The following RPRD1B variants were observed in gnomAD, a reference collection of about 807,000 sequenced individuals.
RPRD1B encodes regulation of nuclear pre-mRNA domain-containing protein 1B.
Under a neutral mutation model 41.5 loss-of-function variants are expected in RPRD1B, and 11 were observed. That is an observed-to-expected ratio of 0.27 (90% confidence interval 0.17 to 0.44). The LOEUF (loss-of-function observed/expected upper bound fraction) is 0.44, where lower values mean the gene tolerates loss of function less well. RPRD1B is among the 20% of genes least tolerant of loss of function. The pLI, the probability that RPRD1B is intolerant of heterozygous loss-of-function variation, is 1.00. For synonymous variants in RPRD1B, 158 were observed against 155.6 expected (o/e 1.02, Z -0.12); for missense variants, 248 against 389.9 (o/e 0.64, Z 3.06).
In RPRD1B at chr20:38,059,863, T is replaced by C. The variant is rs1034488096; in HGVS notation, c.655+343T>C. On this transcript the variant is annotated intron_variant, in intron 5 of 6. Coordinates refer to ENST00000373433, the MANE Select transcript of RPRD1B (RefSeq NM_021215.4). ...TCTGTCTGTTAGACTCATAACCCTC[T>C]TACTAAAAGAAAAAAAATTATGATT... Among the ~76,000 whole-genome samples, 15 of 152,128 alleles carry C rather than the reference T, an allele frequency of 9.9e-5. No individual in the cohort carries two copies. In the East Asian group the frequency reaches 2.9e-3, roughly 29 times the overall value.
At chr20:38,052,099 C>T (rs8125997) in intron 3 of RPRD1B, among the ~76,000 whole-genome samples, 27,475 of 152,124 alleles carry the variant, frequency 0.18, 2,896 homozygotes, top group Middle Eastern at 0.35. Context: ...GGCATTTGAT[C>T]CTTCTGAAGC....
intron 5 of RPRD1B, among the ~76,000 whole-genome samples, chr20:38,064,292 T>G (rs1461835996): frequency 6.6e-6 from 1 of 152,248 alleles, no homozygotes; most frequent in African/African-American, 2.4e-5. Flanking sequence ...TCTGGAATCC[T>G]TCAGCAGTTC....
At chr20:38,076,171 T>C (rs1470334535) in intron 6 of RPRD1B, among the ~76,000 whole-genome samples, 1 of 152,234 alleles carries the variant, frequency 6.6e-6, no homozygotes, top group Non-Finnish European at 1.5e-5. Context: ...AATTGTTCCC[T>C]TTAAGATACC....
intron 3 of RPRD1B, chr20:38,049,648 G>C (rs565604023): frequency 1.1e-5 from 5 of 460,952 alleles, no homozygotes; most frequent in African/African-American, 2.0e-5. Flanking sequence ...TATTATAGGC[G>C]TGAGCCACCT....
At chr20:38,066,911 TC>T (rs1366358521) in intron 6 of RPRD1B, among the ~76,000 whole-genome samples, 1 of 152,150 alleles carries the variant, frequency 6.6e-6, no homozygotes, top group African/African-American at 2.4e-5. Flanking sequence ...CACCTCAGCC[TC>T]CCAAAGTGCT....
Position 38,033,895 on chromosome 20 carries a change from C to T in RPRD1B, c.-53C>T, listed in dbSNP as rs951732491. 3.3e-6 allele frequency: 5 copies of T among 1,523,348 alleles called. No homozygotes were observed. Among genetic ancestry groups the T allele is most frequent in the Middle Eastern group, 1.8e-4 (1 of 5,560 alleles). The allele number at this position is 1,523,348 out of a possible 1,614,324, so 94.4% of individuals were successfully genotyped here. A position where few individuals can be genotyped will look rare whatever the true frequency, so the allele number is the denominator to read the frequency against. On this transcript the variant is annotated 5_prime_UTR_variant, in exon 1 of 7. Coordinates refer to ENST00000373433, the MANE Select transcript of RPRD1B (RefSeq NM_021215.4). ...CCCCGGCCTCGTGCCGTCGCTCTTC[C>T]CGCCGCACTGGGCGGCCCAGGCCGC...
intron 5 of RPRD1B, among the ~76,000 whole-genome samples, chr20:38,059,737 A>G (rs2074278363): frequency 6.6e-6 from 1 of 152,242 alleles, no homozygotes; most frequent in South Asian, 2.1e-4. Flanking sequence ...TTATTGCAGA[A>G]ATGCTGGTGT....
intron 6 of RPRD1B, among the ~76,000 whole-genome samples, chr20:38,082,165 T>A (rs1481151605): frequency 6.6e-6 from 1 of 152,186 alleles, no homozygotes; most frequent in East Asian, 1.9e-4. Flanking sequence ...CTGGTAGATT[T>A]TGGCTCTGAA....
chr20:38,060,236 G>C (rs1316579690), intron 5 of RPRD1B, among the ~76,000 whole-genome samples: 1 of 152,190 alleles, frequency 6.6e-6, no homozygotes, highest in Admixed American at 6.5e-5. Flanking sequence ...TGGATCTTGG[G>C]ATTCTAATCT....
intron 6 of RPRD1B, among the ~76,000 whole-genome samples, chr20:38,083,593 C>T (rs1902693014): frequency 6.6e-6 from 1 of 152,206 alleles, no homozygotes. Context: ...CCTGAAAATG[C>T]TCTGTGGTAC....
At chr20:38,072,389 A>G (rs1408042078) in intron 6 of RPRD1B, among the ~76,000 whole-genome samples, 2 of 152,174 alleles carry the variant, frequency 1.3e-5, no homozygotes, top group Non-Finnish European at 1.5e-5. Context: ...TGTCTATCCT[A>G]TGCTCATACC....
intron 6 of RPRD1B, among the ~76,000 whole-genome samples, chr20:38,081,445 CT>C (rs2074511792): frequency 6.6e-6 from 1 of 152,142 alleles, no homozygotes; most frequent in African/African-American, 2.4e-5. Context: ...AACTAGGAGC[CT>C]TTGGGTAGAC....
At chr20:38,057,800 C>T (rs897167877) in intron 4 of RPRD1B, among the ~76,000 whole-genome samples, 156 bp downstream of exon 4, 19 of 152,166 alleles carry the variant, frequency 1.2e-4, no homozygotes, top group Non-Finnish European at 4.4e-5. Flanking sequence ...AGGAGCTTGC[C>T]GGATGGCAGG....
At chr20:38,077,131 G>A (rs1211991382) in intron 6 of RPRD1B, among the ~76,000 whole-genome samples, 2 of 151,198 alleles carry the variant, frequency 1.3e-5, no homozygotes, top group African/African-American at 2.4e-5. Context: ...TTGACCAGGC[G>A]AGTCTTGAAC....
chr20:38,082,675 C>G (rs985027603), intron 6 of RPRD1B, among the ~76,000 whole-genome samples: 2 of 152,196 alleles, frequency 1.3e-5, no homozygotes, highest in Non-Finnish European at 2.9e-5. Flanking sequence ...GCGTGAGCCA[C>G]CACGCCCGGC....
At position 38,089,954 on chromosome 20, in the gene RPRD1B, C is replaced by T; in HGVS notation, c.*79C>T. ...GTCATGGTTGGAAATAACCTTCTAG[C>T]CCCTGGTTCTATCCCTTCTTCCGCC... is the stretch of plus-strand genomic sequence containing the variant. On this transcript the variant is annotated 3_prime_UTR_variant, in exon 7 of 7. Transcript: ENST00000373433. 10 of 1,553,676 alleles carry T rather than the reference C, an allele frequency of 6.4e-6. No individual in the cohort carries two copies. Among genetic ancestry groups the T allele is most frequent in the Middle Eastern group, 3.6e-4 (2 of 5,480 alleles).
intron 1 of RPRD1B, among the ~76,000 whole-genome samples, chr20:38,038,082 A>C (rs1455245878): frequency 2.6e-5 from 4 of 152,322 alleles, no homozygotes; most frequent in Middle Eastern, 6.8e-3. Context: ...AACTACTGAC[A>C]CTTTTGTTCT....
intron 1 of RPRD1B, among the ~76,000 whole-genome samples, chr20:38,036,117 G>A (rs1396943120): frequency 1.3e-5 from 2 of 152,066 alleles, no homozygotes; most frequent in Admixed American, 1.3e-4. Flanking sequence ...CCCTAGTTGA[G>A]TTACTGAAAA....
At chr20:38,089,022 T>G (rs2074588632) in intron 6 of RPRD1B, among the ~76,000 whole-genome samples, 1 of 152,094 alleles carries the variant, frequency 6.6e-6, no homozygotes, top group Non-Finnish European at 1.5e-5. Context: ...AGGGGCTGAT[T>G]TTGTAAGACC....
Sources: allele counts gnomAD v4.1 joint callset (sites outside exome capture counted in the v4.1 genomes callset), GRCh38; gene constraint gnomAD v4.1.1; transcripts MANE v1.5; gene names NCBI Gene and HGNC (gene_info 2026-07-23, HGNC 2026-07-21).